Variants in ABL2 observed in about 807,000 individuals in gnomAD.
The protein encoded by ABL2 is ABL proto-oncogene 2, non-receptor tyrosine kinase, also known as tyrosine-protein kinase ABL2.
A neutral mutation model predicts 107.7 loss-of-function variants in ABL2; 49 were observed. That is an observed-to-expected ratio of 0.45 (90% CI 0.36 to 0.58). ABL2 has a LOEUF of 0.58. Among genes scored for constraint, ABL2 ranks in the 20% least tolerant of loss-of-function variants. The pLI is 0.00. For synonymous variants in ABL2, 549 were observed against 548.6 expected (o/e 1.00, Z -0.01); for missense variants, 1,245 against 1,457.0 (o/e 0.85, Z 2.37).
intron 4 of ABL2, among the ~76,000 whole-genome samples, chr1:179,122,417 C>A (rs942580633): frequency 6.6e-6 from 1 of 151,802 alleles, no homozygotes; most frequent in African/African-American, 2.4e-5. Context: ...GTATACCCAG[C>A]AAGAGTTTAT....
chr1:179,183,833 C>T (rs1660525462), intron 1 of ABL2: 2 of 176,016 alleles, frequency 1.1e-5, no homozygotes, highest in South Asian at 1.3e-4. Context: ...TTGGACTTTC[C>T]TAGCAGCATG....
At chr1:179,196,729 C>T (rs570844630) in intron 1 of ABL2, 1 of 151,760 alleles carries the variant, frequency 6.6e-6, no homozygotes, top group Non-Finnish European at 1.5e-5. Context: ...CCACTGCACT[C>T]CAGCCTGGGC....
At chr1:179,229,167 T>TACCCCCCCC in intron 1 of ABL2, 74 bp downstream of exon 1, 2 of 402,572 alleles carry the variant, frequency 5.0e-6, no homozygotes, top group African/African-American at 2.3e-5. Context: ...GGGCAGCCCG[T>TACCCCCCCC]CCGCCACCCA....
chr1:179,109,528 T>A (rs1653835756), intron 11 of ABL2, 87 bp from the exon 12 acceptor site: 1 of 1,509,192 alleles, frequency 6.6e-7, no homozygotes, highest in Non-Finnish European at 8.8e-7. Flanking sequence ...ATGAGTTTTG[T>A]CAGCATTTAT....
chr1:179,168,872 A>T (rs147384656), intron 1 of ABL2, among the ~76,000 whole-genome samples: 23 of 152,362 alleles, frequency 1.5e-4, no homozygotes, highest in African/African-American at 3.8e-4. Context: ...TTAAATTTTC[A>T]ATGAAATTCT....
chr1:179,129,769 C>T (rs1264966326), intron 3 of ABL2, among the ~76,000 whole-genome samples: 1 of 151,950 alleles, frequency 6.6e-6, no homozygotes, highest in Admixed American at 6.6e-5. Context: ...TAAACACAAC[C>T]CCCACATACA....
At chr1:179,148,730 T>C in intron 1 of ABL2, among the ~76,000 whole-genome samples, 1 of 152,118 alleles carries the variant, frequency 6.6e-6, no homozygotes, top group South Asian at 2.1e-4. Context: ...TGAAACCCCG[T>C]TTCTACTAAA....
chr1:179,221,379 C>T (rs1662854778), intron 1 of ABL2, among the ~76,000 whole-genome samples: 1 of 152,084 alleles, frequency 6.6e-6, no homozygotes, highest in Non-Finnish European at 1.5e-5. Context: ...TTACTTGAGG[C>T]CAGGAGTTTG....
chr1:179,108,836 GGA>G lies in ABL2; in HGVS notation c.2429_2430del (p.Leu810ProfsTer21). On this transcript the variant is annotated frameshift_variant, in exon 12 of 12. Coordinates refer to ENST00000502732, the MANE Select transcript of ABL2 (RefSeq NM_007314.4). LOFTEE classifies it high-confidence loss of function. ...GAGGTGGACACTGTCCTTTCCAGCT[GGA>G]GTTTGGACCTCTGGCAGTTCCTGGG... ...TLPRNCQRSK[L>X]QLERTVSTSS... The G allele has an allele frequency of 6.2e-7, 1 of 1,614,154 alleles. No individual in the cohort carries two copies. Among genetic ancestry groups the G allele is most frequent in the Non-Finnish European group, 8.5e-7 (1 of 1,180,028 alleles).
intron 1 of ABL2, among the ~76,000 whole-genome samples, chr1:179,193,134 G>A (rs1044497698): frequency 6.6e-6 from 1 of 151,340 alleles, no homozygotes; most frequent in Non-Finnish European, 1.5e-5. Flanking sequence ...TCCAAAAAAG[G>A]GCACAACTTG....
In ABL2 at chr1:179,229,236, C is replaced by T. The variant is rs1267930218; in HGVS notation, c.157+5G>A. The T allele has an allele frequency of 6.6e-7, 1 of 1,506,176 alleles. No homozygotes were observed. Among genetic ancestry groups the T allele is most frequent in the Non-Finnish European group, 8.9e-7 (1 of 1,124,532 alleles). 93.3% of individuals were successfully genotyped at this position (1,506,176 alleles called of 1,614,324 possible). A position where few individuals can be genotyped will look rare whatever the true frequency, so the allele number is the denominator to read the frequency against. ...GCTCTCATGCCGGCTCCCAGACACA[C>T]TCACCATGCTGGGTGAAGATATTGA... On this transcript the variant is annotated splice_donor_5th_base_variant and intron_variant, in intron 1 of 11. Coordinates refer to ENST00000502732, the MANE Select transcript of ABL2 (RefSeq NM_007314.4).
In ABL2 at chr1:179,133,961, C is replaced by A; in HGVS notation, c.158-587G>T. 1.3e-5 allele frequency among the ~76,000 whole-genome samples: 2 copies of A among 152,110 alleles called. 1 individual carries two copies. Among genetic ancestry groups the A allele is most frequent in the Admixed American group, 1.3e-4 (2 of 15,258 alleles). On this transcript the variant is annotated intron_variant, in intron 1 of 11. Transcript: ENST00000502732. The stretch of plus-strand genomic sequence containing the variant: ...TGCCAGTAACTGAAACTGTATAAAG[C>A]AAAACTGGATAATGGGGGCTACTGC...
chr1:179,175,869 A>C (rs1026229250), intron 1 of ABL2, among the ~76,000 whole-genome samples: 1 of 106,262 alleles, frequency 9.4e-6, no homozygotes, highest in Admixed American at 1.1e-4. Context: ...TTTTTTGAGG[A>C]GGGGTGTACG....
intron 1 of ABL2, among the ~76,000 whole-genome samples, chr1:179,187,697 A>G (rs1186825682): frequency 6.6e-6 from 1 of 152,140 alleles, no homozygotes; most frequent in Non-Finnish European, 1.5e-5. Flanking sequence ...TTTACTTCTT[A>G]CCTCCATTCC....
intron 1 of ABL2, among the ~76,000 whole-genome samples, chr1:179,134,144 A>C (rs1656614580): frequency 1.3e-5 from 2 of 152,256 alleles, no homozygotes. Context: ...AAAGTTACAT[A>C]GTATGTGTTT....
intron 1 of ABL2, among the ~76,000 whole-genome samples, chr1:179,218,475 C>G (rs769954655): frequency 1.3e-5 from 2 of 152,192 alleles, no homozygotes; most frequent in Non-Finnish European, 2.9e-5. Context: ...CGGCTCACTG[C>G]AGCCTCTGCC....
At chr1:179,136,408 AC>A (rs899555407) in intron 1 of ABL2, among the ~76,000 whole-genome samples, 1 of 152,060 alleles carries the variant, frequency 6.6e-6, no homozygotes, top group Non-Finnish European at 1.5e-5. Flanking sequence ...CGGTGACCTT[AC>A]CCCCAACCCT....
At chr1:179,131,573 G>T in intron 2 of ABL2, 92 bp from the exon 3 acceptor site, 1 of 1,336,256 alleles carries the variant, frequency 7.5e-7, no homozygotes, top group Non-Finnish European at 1.1e-6. Flanking sequence ...TTCAGCTGCT[G>T]GCTCCAGAGT....
At chr1:179,177,149 A>T (rs1328705986) in intron 1 of ABL2, among the ~76,000 whole-genome samples, 1 of 152,198 alleles carries the variant, frequency 6.6e-6, no homozygotes, top group African/African-American at 2.4e-5. Flanking sequence ...AGGAGAGATG[A>T]GCAAGTGAGG....
Sources: gnomAD v4.1 joint callset for allele counts (sites outside exome capture counted in the v4.1 genomes callset) on GRCh38, gnomAD v4.1.1 for gene constraint, MANE v1.5 for transcripts, NCBI Gene and HGNC (gene_info 2026-07-23, HGNC 2026-07-21) for gene names.